UPF1: variants seen among roughly 807,000 people sequenced by gnomAD.
UPF1 encodes the protein UPF1 RNA helicase and ATPase.
A neutral mutation model predicts 129.2 loss-of-function variants in UPF1; 9 were observed. The ratio of observed to expected loss-of-function variants is 0.07; its 90% CI spans 0.04 to 0.12. The LOEUF (loss-of-function observed/expected upper bound fraction) is 0.12, where lower values mean the gene tolerates loss of function less well. Among genes scored for constraint, UPF1 ranks in the 10% least tolerant of loss-of-function variants. The pLI is 1.00. For synonymous variants in UPF1, 649 were observed against 644.9 expected (o/e 1.01, Z -0.10); for missense variants, 788 against 1,525.3 (o/e 0.52, Z 8.05).
Position 18,832,601 on chromosome 19 carries a change from C to G in UPF1, c.231+161C>G, listed in dbSNP as rs1355913855. Among the ~76,000 whole-genome samples, 1 of 152,106 alleles carries G rather than the reference C, an allele frequency of 6.6e-6. No individual in the cohort carries two copies. Among genetic ancestry groups the G allele is most frequent in the Non-Finnish European group, 1.5e-5 (1 of 67,996 alleles). ...GTCCCCTACTCTGGCTCGGCCTGAG[C>G]TTACCTGCCCCAGGTCCTGCAATCT... On this transcript the variant is annotated intron_variant, in intron 1 of 23. Transcript: ENST00000262803. The surrounding 1 kb of genome is among the most constrained non-coding windows in gnomAD (Gnocchi z 5.6).
intron 20 of UPF1, 135 bp downstream of exon 20, chr19:18,864,386 C>A: frequency 2.8e-6 from 2 of 707,926 alleles, no homozygotes. Context: ...TTGGCCTCCC[C>A]GCCCCTAGGG....
rs2055838463 is a variant in UPF1 at position 18,865,905 on chromosome 19, G to A, written c.3237+127G>A. ...CACTGTCTGAATTACCTGTCCCTGGGCTGGGGTCATCAGAGTGGGTCTCCT... is the reference window on the plus strand; with the variant it reads ...CACTGTCTGAATTACCTGTCCCTGGACTGGGGTCATCAGAGTGGGTCTCCT... On this transcript the variant is annotated intron_variant, in intron 22 of 23. Transcript: ENST00000262803. The surrounding 1 kb of genome is among the most constrained non-coding windows in gnomAD (Gnocchi z 6.1). 3 of 1,575,894 alleles carry A rather than the reference G, an allele frequency of 1.9e-6. No homozygotes were observed. In the South Asian group the frequency reaches 3.4e-5, roughly 18 times the overall value.
intron 6 of UPF1, 117 bp downstream of exon 6, chr19:18,852,413 G>T (rs992244938): frequency 2.1e-6 from 3 of 1,443,856 alleles, no homozygotes; most frequent in African/African-American, 1.5e-5. Flanking sequence ...GGCTGCAGCC[G>T]CGACACCTGA....
chr19:18,840,369 C>G (rs1404388667), intron 1 of UPF1, among the ~76,000 whole-genome samples: 1 of 152,172 alleles, frequency 6.6e-6, no homozygotes, highest in Non-Finnish European at 1.5e-5. Flanking sequence ...TCATCAGGGT[C>G]CATAATTCCC....
chr19:18,860,236 C>A, intron 15 of UPF1, 85 bp from the exon 16 acceptor site: 1 of 1,369,404 alleles, frequency 7.3e-7, no homozygotes, highest in Non-Finnish European at 1.0e-6. Flanking sequence ...AGCACTGTAG[C>A]GTAGCAACTA....
At chr19:18,863,056 AC>A (rs146693701) in intron 18 of UPF1, 1,961 of 194,218 alleles carry the variant, frequency 0.01, 38 homozygotes, top group African/African-American at 0.041. Flanking sequence ...GGGTCCCCCC[AC>A]AGCTTCGTGA....
rs2055785924 is a variant in UPF1, at chr19:18,862,024, C to T, written c.2472C>T (p.Ala824=). ...CTCCCTTCCAGGAGGTGGAGATCGC[C>T]AGTGTGGACGCCTTTCAGGGACGCG... is the stretch of plus-strand genomic sequence containing the variant. ...HTKLYQEVEI[A]SVDAFQGREK... The change falls in exon 18 of 24, where the codon GCC becomes GCT. Residue 824 remains alanine, a synonymous_variant. Transcript: ENST00000262803. 1 of 1,611,988 alleles carries T rather than the reference C, an allele frequency of 6.2e-7. No individual in the cohort carries two copies. The highest frequency in any genetic ancestry group is 1.7e-5 in the Admixed American group (1 of 59,872).
rs1246610371 is a variant in UPF1 at position 18,867,267 on chromosome 19, T to G, written c.*750T>G. 2 of 152,210 alleles carry G rather than the reference T, an allele frequency of 1.3e-5. No homozygotes were observed. The highest frequency in any genetic ancestry group is 2.9e-5 in the Non-Finnish European group (2 of 68,026). The allele number at this position is 152,210 out of a possible 1,614,324, so 9.4% of individuals were successfully genotyped here. The stretch of plus-strand genomic sequence containing the variant: ...TTGTTGGTTTTAGCTTCCAGTGGCT[T>G]CTTTCTGCGGGGCATCAGGCTGCTG... On this transcript the variant is annotated 3_prime_UTR_variant, in exon 24 of 24. Coordinates refer to ENST00000262803, the MANE Select transcript of UPF1 (RefSeq NM_002911.4).
chr19:18,843,299 T>G (rs2055560885), intron 1 of UPF1, among the ~76,000 whole-genome samples: 1 of 151,862 alleles, frequency 6.6e-6, no homozygotes, highest in South Asian at 2.1e-4. Context: ...GGCCTTGAGG[T>G]GGGGTCAGAG....
rs932218925 is a variant in UPF1 at position 18,845,889 on chromosome 19, G to C, written c.232-91G>C. 46 of 1,505,242 alleles carry C rather than the reference G, an allele frequency of 3.1e-5. No individual in the cohort carries two copies. In the Admixed American group the frequency reaches 9.5e-4, roughly 31 times the overall value. 93.2% of individuals were successfully genotyped at this position (1,505,242 alleles called of 1,614,324 possible). On this transcript the variant is annotated intron_variant, in intron 1 of 23. Coordinates refer to ENST00000262803, the MANE Select transcript of UPF1 (RefSeq NM_002911.4). The stretch of plus-strand genomic sequence containing the variant: ...CTGTCTCAAAGCAGAGATGAGGCCA[G>C]GGTGTCACACCAGAGTCATCGAGGC...
In UPF1 at chr19:18,832,274, A is replaced by G. The variant is rs780802510; in HGVS notation, c.65A>G (p.Glu22Gly). ...ACTTTCCTGGACACGGAGGAGGCCG[A>G]GCTGCTTGGCGCCGACACACAGGGC... ...TLTFLDTEEA[E>G]LLGADTQGSE... The change falls in exon 1 of 24, where the codon GAG becomes GGG. Residue 22 changes from glutamate (E) to glycine (G), a missense_variant. By Grantham distance (98) the Glu-to-Gly change is moderately conservative. This residue lies in a region of UPF1 where 112 missense variants were observed against 128.2 expected (regional missense o/e 0.87). Coordinates refer to ENST00000262803, the MANE Select transcript of UPF1 (RefSeq NM_002911.4). The surrounding 1 kb of genome is among the most constrained non-coding windows in gnomAD (Gnocchi z 5.6). 4 of 1,550,628 alleles carry G rather than the reference A, an allele frequency of 2.6e-6. No homozygotes were observed. The African/African-American group carries it at 4.3e-5, about 17-fold the overall frequency.
chr19:18,846,272 A>G (rs1287240444), intron 2 of UPF1, among the ~76,000 whole-genome samples, 153 bp downstream of exon 2: 2 of 152,150 alleles, frequency 1.3e-5, no homozygotes, highest in Admixed American at 6.5e-5. Flanking sequence ...TGCTCAGGCC[A>G]TGTGCACAGC....
At chr19:18,835,755 C>T (rs952733510) in intron 1 of UPF1, among the ~76,000 whole-genome samples, 1 of 152,148 alleles carries the variant, frequency 6.6e-6, no homozygotes, top group African/African-American at 2.4e-5. Flanking sequence ...TTGTTTCCAC[C>T]TCTTGGCTTT....
intron 10 of UPF1, 26 bp downstream of exon 10, chr19:18,855,064 GCCTCGCCC>G (rs772661098): frequency 5.0e-6 from 8 of 1,613,060 alleles, no homozygotes; most frequent in Non-Finnish European, 5.9e-6. Context: ...AGCGCGCGGG[GCCTCGCCC>G]ATGGGCCGGG....
At chr19:18,847,651 A>G (rs1234809750) in intron 2 of UPF1, 93 bp from the exon 3 acceptor site, 8 of 1,252,344 alleles carry the variant, frequency 6.4e-6, no homozygotes, top group Middle Eastern at 1.9e-4. Context: ...GAAGAACTTA[A>G]AAATGTTGTC....
intron 1 of UPF1, among the ~76,000 whole-genome samples, chr19:18,836,094 G>A (rs1001764136): frequency 2.6e-5 from 4 of 152,126 alleles, no homozygotes; most frequent in Admixed American, 1.3e-4. Flanking sequence ...TGAGATCCTG[G>A]GATGAAAAGC....
rs1273942229 is a variant in UPF1, at chr19:18,862,169, CT to C, written c.2600+18del. 1 of 1,611,580 alleles carries C rather than the reference CT, an allele frequency of 6.2e-7. No homozygotes were observed. The highest frequency in any genetic ancestry group is 2.2e-5 in the East Asian group (1 of 44,836). On this transcript the variant is annotated intron_variant, in intron 18 of 23. Coordinates refer to ENST00000262803, the MANE Select transcript of UPF1 (RefSeq NM_002911.4). ...CAGAGCAAGGTAGGGAGGCTGCCTG[CT>C]GCATGCTGCCCAGCCGCTCATCGGT...
chr19:18,862,249 T>C, intron 18 of UPF1, 97 bp downstream of exon 18: 1 of 1,517,896 alleles, frequency 6.6e-7, no homozygotes, highest in Non-Finnish European at 8.9e-7. Flanking sequence ...GGGCCAGAGG[T>C]CAGAGGACTC....
chr19:18,866,994 C>T lies in UPF1; in HGVS notation c.*477C>T, dbSNP rs1489614628. 1.3e-5 allele frequency: 2 copies of T among 152,622 alleles called. No homozygotes were observed. Among genetic ancestry groups the T allele is most frequent in the Admixed American group, 6.5e-5 (1 of 15,288 alleles). 9.5% of individuals were successfully genotyped at this position (152,622 alleles called of 1,614,324 possible). A position where few individuals can be genotyped will look rare whatever the true frequency, so the allele number is the denominator to read the frequency against. On this transcript the variant is annotated 3_prime_UTR_variant, in exon 24 of 24. Coordinates refer to ENST00000262803, the MANE Select transcript of UPF1 (RefSeq NM_002911.4). ...GGCGCGTCTGTCCACGCCTACCGGA[C>T]GCGCCGAGGTCGCGCTGCCTGTGTT...
Sources: gnomAD v4.1 joint callset for allele counts (sites outside exome capture counted in the v4.1 genomes callset) on GRCh38, gnomAD v4.1.1 for gene constraint, gnomAD v4.1.1 regional missense constraint, Gnocchi (gnomAD v3.1) non-coding constraint, MANE v1.5 for transcripts, NCBI Gene and HGNC (gene_info 2026-07-23, HGNC 2026-07-21) for gene names.